Variants in DCUN1D5 observed in about 807,000 individuals in gnomAD.
DCUN1D5 encodes defective in cullin neddylation 1 domain containing 5.
In DCUN1D5, 10 loss-of-function variants were observed where a neutral mutation model predicts 38.3. The ratio of observed to expected loss-of-function variants is 0.26; its 90% CI spans 0.16 to 0.44. The LOEUF (loss-of-function observed/expected upper bound fraction) is 0.44. DCUN1D5 is among the 20% of genes least tolerant of loss of function. The pLI is 1.00. For missense variants in DCUN1D5, 148 were observed against 275.3 expected, an observed-to-expected ratio of 0.54 and a Z score of 3.27; for synonymous variants, 93 against 90.9, an observed-to-expected ratio of 1.02 and a Z score of -0.13.
chr11:103,080,734 C>T (rs774692018), intron 4 of DCUN1D5, among the ~76,000 whole-genome samples: 4 of 152,162 alleles, frequency 2.6e-5, no homozygotes, highest in Admixed American at 6.5e-5. Flanking sequence ...CTTGGCCGGG[C>T]GCTGTGGCTC....
chr11:103,064,421 A>G lies in DCUN1D5; in HGVS notation c.556-44T>C. 7.0e-7 allele frequency: 1 copy of G among 1,422,456 alleles called. No homozygotes were observed. Among genetic ancestry groups the G allele is most frequent in the Non-Finnish European group, 9.6e-7 (1 of 1,042,732 alleles). 88.1% of individuals were successfully genotyped at this position (1,422,456 alleles called of 1,614,324 possible). ...TATTTGTATTTAAATATTTAAACAAACATCATTTACTCAATTTAGTAAACT... is the reference window on the plus strand; with the variant it reads ...TATTTGTATTTAAATATTTAAACAAGCATCATTTACTCAATTTAGTAAACT... On this transcript the variant is annotated intron_variant, in intron 6 of 7. Coordinates refer to ENST00000260247, the MANE Select transcript of DCUN1D5 (RefSeq NM_032299.4). This position sits in a 1 kb window ranked among gnomAD's most constrained non-coding sequence, Gnocchi z 4.5.
rs1184051978 is a variant in DCUN1D5 at position 103,065,632 on chromosome 11, A to C, written c.555+637T>G. Among the ~76,000 whole-genome samples the C allele has an allele frequency of 6.6e-6, 1 of 152,184 alleles. No homozygotes were observed. Among genetic ancestry groups the C allele is most frequent in the East Asian group, 1.9e-4 (1 of 5,204 alleles). On this transcript the variant is annotated intron_variant, in intron 6 of 7. Transcript: ENST00000260247. The surrounding 1 kb of genome is among the most constrained non-coding windows in gnomAD (Gnocchi z 4.6). ...GGCACAAAAACAGATTTAAAAAAAA[A>C]AAACTAGACAAAGCAATGGAAAAAA...
rs527412431 is a variant in DCUN1D5, at chr11:103,086,717, A to T, written c.178+2510T>A. ...GCTCAGCACTATATATCCAGCACTCAGCACAGTGCCTGACTCAAAACAAGT... is the reference window on the plus strand; with the variant it reads ...GCTCAGCACTATATATCCAGCACTCTGCACAGTGCCTGACTCAAAACAAGT... On this transcript the variant is annotated intron_variant, in intron 2 of 7. Transcript: ENST00000260247. The surrounding 1 kb of genome is among the most constrained non-coding windows in gnomAD (Gnocchi z 4.1). Among the ~76,000 whole-genome samples, 4 of 152,330 alleles carry T rather than the reference A, an allele frequency of 2.6e-5. No individual in the cohort carries two copies. In the South Asian group the frequency reaches 8.3e-4, roughly 32 times the overall value.
chr11:103,065,874 T>G lies in DCUN1D5; in HGVS notation c.555+395A>C, dbSNP rs923756347. On this transcript the variant is annotated intron_variant, in intron 6 of 7. Transcript: ENST00000260247. The surrounding 1 kb of genome is among the most constrained non-coding windows in gnomAD (Gnocchi z 4.6). ...GAAAAGGAAAGTTTTATTACTAAAT[T>G]GGTTCTCTTATGTACATTTCAGCTT... Among the ~76,000 whole-genome samples the G allele has an allele frequency of 1.3e-5, 2 of 152,160 alleles. No individual in the cohort carries two copies. Among genetic ancestry groups the G allele is most frequent in the Non-Finnish European group, 2.9e-5 (2 of 68,032 alleles).
chr11:103,062,558 T>G lies in DCUN1D5; in HGVS notation c.659-144A>C, dbSNP rs796164125. ...CTGCTTCTAGACACCTTATTCCATT[T>G]AATGGTGCTTTCTTATTAGCCTTTT... On this transcript the variant is annotated intron_variant, in intron 7 of 7. Coordinates refer to ENST00000260247, the MANE Select transcript of DCUN1D5 (RefSeq NM_032299.4). The surrounding 1 kb of genome is among the most constrained non-coding windows in gnomAD (Gnocchi z 4.6). 2.9e-6 allele frequency: 2 copies of G among 680,404 alleles called. No individual in the cohort carries two copies. Among genetic ancestry groups the G allele is most frequent in the African/African-American group, 3.7e-5 (2 of 54,686 alleles). The allele number at this position is 680,404 out of a possible 1,614,324, so 42.1% of individuals were successfully genotyped here.
intron 2 of DCUN1D5, among the ~76,000 whole-genome samples, chr11:103,088,756 G>T (rs890702689): frequency 6.6e-6 from 1 of 152,190 alleles, no homozygotes; most frequent in Non-Finnish European, 1.5e-5. Context: ...AAGTAAATGT[G>T]TTGTACAATT....
Position 103,087,950 on chromosome 11 carries a change from G to A in DCUN1D5, c.178+1277C>T, listed in dbSNP as rs189331768. On this transcript the variant is annotated intron_variant, in intron 2 of 7. Transcript: ENST00000260247. The surrounding 1 kb of genome is among the most constrained non-coding windows in gnomAD (Gnocchi z 4.1). ...GTAAAACTGGCATTTGGGATAATGG[G>A]TCAACATTTTAAATGGAGGTCAGTA... Among the ~76,000 whole-genome samples the A allele has an allele frequency of 1.4e-4, 22 of 152,140 alleles. No homozygotes were observed. The East Asian group carries it at 3.7e-3, about 25-fold the overall frequency.
At position 103,061,490 on chromosome 11, in the gene DCUN1D5, G is replaced by C. The variant is rs1240042674; in HGVS notation, c.*869C>G. On this transcript the variant is annotated 3_prime_UTR_variant, in exon 8 of 8. Transcript: ENST00000260247. ...AACGTAAATGGCTCTATTGAGTTGT[G>C]CACAATTAATTATACCCAGAGTTCT... 3.3e-5 allele frequency among the ~76,000 whole-genome samples: 5 copies of C among 151,302 alleles called. No homozygotes were observed. The highest frequency in any genetic ancestry group is 1.2e-4 in the African/African-American group (5 of 41,138).
chr11:103,092,121 T>G lies in DCUN1D5; in HGVS notation c.-249A>C. The G allele has an allele frequency of 2.2e-6, 1 of 461,814 alleles. No homozygotes were observed. Among genetic ancestry groups the G allele is most frequent in the Non-Finnish European group, 3.8e-6 (1 of 259,758 alleles). The allele number at this position is 461,814 out of a possible 1,614,324, so 28.6% of individuals were successfully genotyped here. ...GCGGTTCGTTCTCACCGGGAGGAGA[T>G]AACGCGGACAGCGCGGCAGCTCCAC... On this transcript the variant is annotated 5_prime_UTR_variant, in exon 1 of 8. Transcript: ENST00000260247.
At position 103,092,041 on chromosome 11, in the gene DCUN1D5, A is replaced by G. The variant is rs1049945417; in HGVS notation, c.-169T>C. The G allele has an allele frequency of 7.3e-5, 45 of 614,736 alleles. No homozygotes were observed. Among genetic ancestry groups the G allele is most frequent in the Non-Finnish European group, 1.0e-4 (36 of 352,600 alleles). 38.1% of individuals were successfully genotyped at this position (614,736 alleles called of 1,614,324 possible). A position where few individuals can be genotyped will look rare whatever the true frequency, so the allele number is the denominator to read the frequency against. The stretch of plus-strand genomic sequence containing the variant: ...GCCCGGCCGCCGCCCGCTCCCAGGT[A>G]TCCTCGTCGTCTTTCTCTGACCGGG... On this transcript the variant is annotated 5_prime_UTR_variant, in exon 1 of 8. Transcript: ENST00000260247.
rs1398393325 is a variant in DCUN1D5 at position 103,073,046 on chromosome 11, GGATACAA to G, written c.342-6486_342-6480del. On this transcript the variant is annotated intron_variant, in intron 4 of 7. Coordinates refer to ENST00000260247, the MANE Select transcript of DCUN1D5 (RefSeq NM_032299.4). This position sits in a 1 kb window ranked among gnomAD's most constrained non-coding sequence, Gnocchi z 4.2. ...AACAGGTGAGTTCAGCAAGGTCACA[GGATACAA>G]GATAAACATATAAAAATCAATTGTA... 6.6e-6 allele frequency among the ~76,000 whole-genome samples: 1 copy of G among 152,058 alleles called. No individual in the cohort carries two copies. The highest frequency in any genetic ancestry group is 1.5e-5 in the Non-Finnish European group (1 of 68,014).
Position 103,087,041 on chromosome 11 carries a change from T to C in DCUN1D5, c.178+2186A>G, listed in dbSNP as rs1327803176. Among the ~76,000 whole-genome samples, 5 of 151,978 alleles carry C rather than the reference T, an allele frequency of 3.3e-5. No individual in the cohort carries two copies. Among genetic ancestry groups the C allele is most frequent in the Non-Finnish European group, 7.4e-5 (5 of 67,978 alleles). On this transcript the variant is annotated intron_variant, in intron 2 of 7. Transcript: ENST00000260247. This position sits in a 1 kb window ranked among gnomAD's most constrained non-coding sequence, Gnocchi z 4.1. Reference sequence around the variant, plus strand: ...AGTTTTCTCATCTATAAAATGAGGGTATGGCCAAGCACAGCAGCTCATGCC... The same window carrying C: ...AGTTTTCTCATCTATAAAATGAGGGCATGGCCAAGCACAGCAGCTCATGCC...
Position 103,062,648 on chromosome 11 carries a change from C to T in DCUN1D5, c.659-234G>A, listed in dbSNP as rs1208481824. On this transcript the variant is annotated intron_variant, in intron 7 of 7. Coordinates refer to ENST00000260247, the MANE Select transcript of DCUN1D5 (RefSeq NM_032299.4). This position sits in a 1 kb window ranked among gnomAD's most constrained non-coding sequence, Gnocchi z 4.6. ...TAGCAACTTCCTTCTCAAGGTGTTT[C>T]ATGAACCCTCCAGTAACTGAGTCAA... 6.6e-6 allele frequency among the ~76,000 whole-genome samples: 1 copy of T among 152,058 alleles called. No individual in the cohort carries two copies. Among genetic ancestry groups the T allele is most frequent in the Non-Finnish European group, 1.5e-5 (1 of 67,958 alleles).
chr11:103,080,079 G>A (rs988435965), intron 4 of DCUN1D5: 1 of 152,090 alleles, frequency 6.6e-6, no homozygotes, highest in Non-Finnish European at 1.5e-5. Flanking sequence ...GACTAATCAT[G>A]ATTATTACAG....
intron 4 of DCUN1D5, among the ~76,000 whole-genome samples, chr11:103,068,465 T>C (rs758595737): frequency 1.3e-5 from 2 of 152,002 alleles, no homozygotes; most frequent in Non-Finnish European, 2.9e-5. Flanking sequence ...AGAAAATACA[T>C]ATACACCATG....
rs773859674 is a variant in DCUN1D5, at chr11:103,052,392, G to T, written c.*9967C>A. The T allele has an allele frequency of 1.3e-5, 2 of 152,182 alleles. No homozygotes were observed. The highest frequency in any genetic ancestry group is 2.9e-5 in the Non-Finnish European group (2 of 68,032). 9.4% of individuals were successfully genotyped at this position (152,182 alleles called of 1,614,324 possible). On this transcript the variant is annotated 3_prime_UTR_variant, in exon 8 of 8. Coordinates refer to ENST00000260247, the MANE Select transcript of DCUN1D5 (RefSeq NM_032299.4). ...AACTTGCAGTCTAGGATCAAAGAGA[G>T]ACGTGAATTTTTTCATTCATTAAAT... is the stretch of plus-strand genomic sequence containing the variant.
At position 103,077,873 on chromosome 11, in the gene DCUN1D5, A is replaced by G. The variant is rs1490602597; in HGVS notation, c.341+4875T>C. Among the ~76,000 whole-genome samples, 3 of 152,190 alleles carry G rather than the reference A, an allele frequency of 2.0e-5. No homozygotes were observed. Among genetic ancestry groups the G allele is most frequent in the African/African-American group, 7.2e-5 (3 of 41,446 alleles). On this transcript the variant is annotated intron_variant, in intron 4 of 7. Transcript: ENST00000260247. The surrounding 1 kb of genome is among the most constrained non-coding windows in gnomAD (Gnocchi z 4.3). ...GAAAATGTGCAGAGGGGCATTTTGA[A>G]ATTGTCATAATGACCTTAAGAGAGA...
Position 103,061,907 on chromosome 11 carries a change from G to A in DCUN1D5, c.*452C>T, listed in dbSNP as rs1862020357. ...GTCAAGGCCAACAGTCTTCCAAATT[G>A]TGCAGAGATGACTATAATGAGCCAT... On this transcript the variant is annotated 3_prime_UTR_variant, in exon 8 of 8. Transcript: ENST00000260247. Among the ~76,000 whole-genome samples, 1 of 152,038 alleles carries A rather than the reference G, an allele frequency of 6.6e-6. No individual in the cohort carries two copies. Among genetic ancestry groups the A allele is most frequent in the Non-Finnish European group, 1.5e-5 (1 of 67,954 alleles).
chr11:103,059,422 G>A lies in DCUN1D5; in HGVS notation c.*2937C>T, dbSNP rs959859576. 6.6e-6 allele frequency among the ~76,000 whole-genome samples: 1 copy of A among 151,890 alleles called. No individual in the cohort carries two copies. Among genetic ancestry groups the A allele is most frequent in the Non-Finnish European group, 1.5e-5 (1 of 67,992 alleles). ...TAGATGAAAAGGCATTTGTATTTAAGAGAAATACTCCTCAATCTAACATTC... is the reference window on the plus strand; with the variant it reads ...TAGATGAAAAGGCATTTGTATTTAAAAGAAATACTCCTCAATCTAACATTC... On this transcript the variant is annotated 3_prime_UTR_variant, in exon 8 of 8. Transcript: ENST00000260247.
Sources: allele counts gnomAD v4.1 joint callset (sites outside exome capture counted in the v4.1 genomes callset), GRCh38; gene constraint gnomAD v4.1.1; non-coding constraint Gnocchi (gnomAD v3.1); transcripts MANE v1.5; gene names NCBI Gene and HGNC (gene_info 2026-07-23, HGNC 2026-07-21).